The following ACSS3 variants were observed in gnomAD, a reference collection of about 807,000 sequenced individuals.
ACSS3 encodes acyl-CoA synthetase short-chain family member 3, mitochondrial.
Under a neutral mutation model 84.2 loss-of-function variants are expected in ACSS3, and 64 were observed. That is an observed-to-expected ratio of 0.76 (90% CI 0.62 to 0.94). The LOEUF (loss-of-function observed/expected upper bound fraction) is 0.94, where lower values mean the gene tolerates loss of function less well. ACSS3 is among the 40% of genes least tolerant of loss of function. The probability of loss-of-function intolerance (pLI) is 0.00; values close to 1 mark genes in which losing one functional copy is unlikely to be tolerated. For synonymous variants in ACSS3, 317 were observed against 310.1 expected (o/e 1.02, Z -0.23); for missense variants, 815 against 867.6 (o/e 0.94, Z 0.76).
chr12:81,116,132 G>C (rs929337187), intron 2 of ACSS3, among the ~76,000 whole-genome samples: 13 of 151,790 alleles, frequency 8.6e-5, no homozygotes, highest in African/African-American at 2.9e-4. Context: ...AAGCAGAAAG[G>C]CTTGTATTTC....
chr12:81,145,067 A>ATTTTTTTTT (rs35753293), intron 5 of ACSS3, among the ~76,000 whole-genome samples: 680 of 100,600 alleles, frequency 6.8e-3, no homozygotes, highest in Middle Eastern at 0.011. Context: ...CGCCTGGCTA[A>ATTTTTTTTT]TTTTTTTTTT....
intron 1 of ACSS3, among the ~76,000 whole-genome samples, chr12:81,093,277 C>T (rs1167064810): frequency 6.6e-6 from 1 of 151,798 alleles, no homozygotes; most frequent in African/African-American, 2.4e-5. Context: ...TGGTGAGACC[C>T]CATCTCTACT....
chr12:81,212,618 T>A (rs1038280768), intron 9 of ACSS3, among the ~76,000 whole-genome samples: 1 of 152,180 alleles, frequency 6.6e-6, no homozygotes, highest in African/African-American at 2.4e-5. Context: ...CTCTCTGTAG[T>A]CTTGTAGTAG....
In ACSS3 at chr12:81,160,589, A is replaced by C. The variant is rs1004820791; in HGVS notation, c.1098+8493A>C. ...TTCATTTTTTAATCATTAAAATGAG[A>C]GGGTTGACACACACTGTCTCAATTT... On this transcript the variant is annotated intron_variant, in intron 7 of 15. Coordinates refer to ENST00000548058, the MANE Select transcript of ACSS3 (RefSeq NM_024560.4). 2.6e-5 allele frequency among the ~76,000 whole-genome samples: 4 copies of C among 152,196 alleles called. No individual in the cohort carries two copies. The East Asian group carries it at 5.8e-4, about 22-fold the overall frequency.
At chr12:81,085,313 T>A (rs146399918) in intron 1 of ACSS3, among the ~76,000 whole-genome samples, 2,022 of 152,336 alleles carry the variant, frequency 0.013, 30 homozygotes, top group South Asian at 0.027. Context: ...GTGATTCTAG[T>A]GAGCTAAATA....
intron 13 of ACSS3, among the ~76,000 whole-genome samples, chr12:81,250,187 G>T (rs1441082467): frequency 6.6e-6 from 1 of 151,990 alleles, no homozygotes; most frequent in Non-Finnish European, 1.5e-5. Context: ...TCCCTTGAAT[G>T]TTGCCAAGAC....
intron 2 of ACSS3, among the ~76,000 whole-genome samples, chr12:81,114,162 T>C (rs1011459467): frequency 1.3e-5 from 2 of 152,128 alleles, no homozygotes; most frequent in African/African-American, 4.8e-5. Flanking sequence ...TTTTCATGAA[T>C]ACATGTATAC....
intron 11 of ACSS3, among the ~76,000 whole-genome samples, chr12:81,223,622 C>T (rs1258963743): frequency 1.3e-5 from 2 of 151,978 alleles, no homozygotes; most frequent in African/African-American, 4.8e-5. Flanking sequence ...TTAGTAGTTG[C>T]ACAGCTAGAA....
At chr12:81,195,976 G>A (rs1269768827) in intron 8 of ACSS3, among the ~76,000 whole-genome samples, 2 of 152,012 alleles carry the variant, frequency 1.3e-5, no homozygotes, top group East Asian at 3.9e-4. Context: ...CTATAACGAT[G>A]CCTAATTATT....
intron 1 of ACSS3, among the ~76,000 whole-genome samples, chr12:81,086,166 G>T (rs1881297057): frequency 6.6e-6 from 1 of 152,056 alleles, no homozygotes; most frequent in Non-Finnish European, 1.5e-5. Flanking sequence ...AGGTGAGAGT[G>T]TTATATAAAG....
chr12:81,107,546 A>T (rs1244215713), intron 1 of ACSS3, among the ~76,000 whole-genome samples: 1 of 114,564 alleles, frequency 8.7e-6, no homozygotes, highest in Non-Finnish European at 1.8e-5. Context: ...ATATATATAT[A>T]TATATATATA....
chr12:81,212,789 G>A (rs2032645182), intron 9 of ACSS3, among the ~76,000 whole-genome samples: 1 of 152,146 alleles, frequency 6.6e-6, no homozygotes, highest in African/African-American at 2.4e-5. Context: ...ATATAATAAA[G>A]TAGAGTGAGT....
intron 3 of ACSS3, among the ~76,000 whole-genome samples, 153 bp from the exon 4 acceptor site, chr12:81,138,978 A>G (rs1885948119): frequency 6.6e-6 from 1 of 152,232 alleles, no homozygotes. Flanking sequence ...AACAATTACA[A>G]AGGGTTTACT....
intron 9 of ACSS3, among the ~76,000 whole-genome samples, chr12:81,210,492 C>T (rs1019717998): frequency 6.6e-6 from 1 of 151,438 alleles, no homozygotes; most frequent in Non-Finnish European, 1.5e-5. Context: ...AATAGTATAG[C>T]AAAATAAGTA....
chr12:81,086,391 C>T (rs969584850), intron 1 of ACSS3, among the ~76,000 whole-genome samples: 1 of 152,034 alleles, frequency 6.6e-6, no homozygotes, highest in African/African-American at 2.4e-5. Context: ...AAAAGATGGG[C>T]CTTATTTTAT....
intron 13 of ACSS3, among the ~76,000 whole-genome samples, chr12:81,237,954 G>C (rs1398691077): frequency 6.6e-6 from 1 of 151,592 alleles, no homozygotes; most frequent in East Asian, 1.9e-4. Context: ...GGAAAGTTTT[G>C]AATTTCTCAC....
chr12:81,142,092 G>A (rs1010610930), intron 4 of ACSS3, among the ~76,000 whole-genome samples: 2 of 152,148 alleles, frequency 1.3e-5, no homozygotes, highest in Non-Finnish European at 2.9e-5. Flanking sequence ...TTAGAAAATG[G>A]AAGTGGCTTG....
chr12:81,236,433 C>T (rs2033633006), intron 13 of ACSS3, among the ~76,000 whole-genome samples: 1 of 151,094 alleles, frequency 6.6e-6, no homozygotes, highest in Non-Finnish European at 1.5e-5. Flanking sequence ...AATCATATAG[C>T]CATTCTTTTC....
intron 5 of ACSS3, among the ~76,000 whole-genome samples, chr12:81,151,488 C>T (rs181115267): frequency 2.9e-4 from 44 of 152,198 alleles, no homozygotes; most frequent in African/African-American, 9.4e-4. Context: ...TACCTTTCTT[C>T]GCATTAAATT....
Sources: allele counts gnomAD v4.1 joint callset (sites outside exome capture counted in the v4.1 genomes callset), GRCh38; gene constraint gnomAD v4.1.1; transcripts MANE v1.5; gene names NCBI Gene and HGNC (gene_info 2026-07-23, HGNC 2026-07-21).